HOXB3: variants seen among roughly 807,000 people sequenced by gnomAD.
The protein encoded by HOXB3 is homeobox protein Hox-B3.
Under a neutral mutation model 29.2 loss-of-function variants are expected in HOXB3, and 17 were observed. The ratio of observed to expected loss-of-function variants is 0.58; its 90% CI spans 0.40 to 0.87. The LOEUF is 0.87. Among genes scored for constraint, HOXB3 ranks in the 40% least tolerant of loss-of-function variants. HOXB3 has a pLI of 0.00. For synonymous variants in HOXB3, 317 were observed against 285.9 expected, an observed-to-expected ratio of 1.11 and a Z score of -1.10; for missense variants, 637 against 616.3, an observed-to-expected ratio of 1.03 and a Z score of -0.35.
rs1331013222 is a variant in HOXB3 at position 48,551,111 on chromosome 17, G to GCCGCCA, written c.513_518dup (p.Gly177_Gly178dup). ...GGCTCTTGTCCCCTCCCCCGCCGCC[G>GCCGCCA]CCGCCACCGCCCCCGCTGCCACCAC... is the stretch of plus-strand genomic sequence containing the variant. On this transcript the variant is annotated inframe_insertion, in exon 5 of 5. Coordinates refer to ENST00000498678, the MANE Select transcript of HOXB3 (RefSeq NM_001384749.1). The GCCGCCA allele has an allele frequency of 3.7e-6, 5 of 1,352,794 alleles. No homozygotes were observed. Among genetic ancestry groups the GCCGCCA allele is most frequent in the South Asian group, 4.0e-5 (2 of 49,554 alleles). The allele number at this position is 1,352,794 out of a possible 1,614,324, so 83.8% of individuals were successfully genotyped here. A position where few individuals can be genotyped will look rare whatever the true frequency, so the allele number is the denominator to read the frequency against.
chr17:48,577,834 G>T (rs1357520986), intron 1 of HOXB3: 4 of 1,390,020 alleles, frequency 2.9e-6, no homozygotes. Flanking sequence ...TCCAGGGGTG[G>T]GAGGGGGAAG....
intron 4 of HOXB3, 92 bp downstream of exon 4, chr17:48,551,935 C>A (rs1359328150): frequency 1.6e-6 from 2 of 1,241,618 alleles, no homozygotes; most frequent in Non-Finnish European, 1.1e-6. Flanking sequence ...TCCCAGGCAG[C>A]CTCGCGGGCG....
rs2069667132 is a variant in HOXB3 at position 48,573,818 on chromosome 17, CG to C, written c.-247+18del. 2.9e-6 allele frequency: 2 copies of C among 701,568 alleles called. No individual in the cohort carries two copies. Among genetic ancestry groups the C allele is most frequent in the South Asian group, 1.5e-5 (1 of 67,462 alleles). 43.5% of individuals were successfully genotyped at this position (701,568 alleles called of 1,614,324 possible). On this transcript the variant is annotated intron_variant, in intron 2 of 4. Transcript: ENST00000498678. The stretch of plus-strand genomic sequence containing the variant: ...ATAAAACGATCAAAACACGCCAGCC[CG>C]GGCCCGGGCTTTGTTACCTTTGCGC...
At chr17:48,573,791 T>C in intron 2 of HOXB3, 46 bp downstream of exon 2, 1 of 686,594 alleles carries the variant, frequency 1.5e-6, no homozygotes, top group African/African-American at 1.8e-5. Context: ...TGAAAAGAGC[T>C]CATAAAACGA....
intron 4 of HOXB3, among the ~76,000 whole-genome samples, 179 bp downstream of exon 4, chr17:48,551,848 A>G (rs1404954221): frequency 6.6e-6 from 1 of 151,830 alleles, no homozygotes; most frequent in Non-Finnish European, 1.5e-5. Context: ...AGCTAGAGGG[A>G]GGAGGGTGTT....
chr17:48,580,170 C>A, intron 1 of HOXB3: 1 of 244,270 alleles, frequency 4.1e-6, no homozygotes, highest in South Asian at 4.0e-5. Context: ...TTGCCTCCGC[C>A]GCCGCCGCGC....
At chr17:48,564,232 G>A (rs1248477150) in intron 2 of HOXB3, among the ~76,000 whole-genome samples, 1 of 151,844 alleles carries the variant, frequency 6.6e-6, no homozygotes, top group African/African-American at 2.4e-5. Context: ...TCTTCCGCTA[G>A]GGCGCGGGCA....
Position 48,550,004 on chromosome 17 carries a change from T to C in HOXB3, c.*330A>G, listed in dbSNP as rs2068653385. The C allele has an allele frequency of 4.0e-6, 1 of 252,868 alleles. No homozygotes were observed. The highest frequency in any genetic ancestry group is 4.9e-5 in the Admixed American group (1 of 20,484). 15.7% of individuals were successfully genotyped at this position (252,868 alleles called of 1,614,324 possible). A position where few individuals can be genotyped will look rare whatever the true frequency, so the allele number is the denominator to read the frequency against. On this transcript the variant is annotated 3_prime_UTR_variant, in exon 5 of 5. Transcript: ENST00000498678. Reference sequence around the variant, plus strand: ...CTTGTCTGGTTTTTAAAATGTGCTTTTCTGCCTCGTCCTGTCTCGTCTTCC... The same window carrying C: ...CTTGTCTGGTTTTTAAAATGTGCTTCTCTGCCTCGTCCTGTCTCGTCTTCC...
intron 1 of HOXB3, among the ~76,000 whole-genome samples, chr17:48,574,739 T>C (rs2069706758): frequency 6.6e-6 from 1 of 152,110 alleles, no homozygotes; most frequent in South Asian, 2.1e-4. Context: ...CCTGCACCCC[T>C]TTCCCCTACC....
At chr17:48,573,800 G>A (rs182008932) in intron 2 of HOXB3, 37 bp downstream of exon 2, 8 of 694,188 alleles carry the variant, frequency 1.2e-5, no homozygotes, top group East Asian at 2.7e-5. Context: ...CTCATAAAAC[G>A]ATCAAAACAC....
At chr17:48,581,708 A>C (rs1175852312) in intron 1 of HOXB3, 1 of 152,260 alleles carries the variant, frequency 6.6e-6, no homozygotes, top group African/African-American at 2.4e-5. Context: ...CAGGTGCCCC[A>C]GCACCCCAAG....
intron 3 of HOXB3, chr17:48,553,573 G>A (rs2068848485): frequency 6.6e-6 from 1 of 151,504 alleles, no homozygotes; most frequent in Non-Finnish European, 1.5e-5. Context: ...CTTTTCTACT[G>A]AGACGGGGAA....
In HOXB3 at chr17:48,550,499, G is replaced by A. The variant is rs577722956; in HGVS notation, c.1131C>T (p.Ser377=). Residue 377 remains serine, a synonymous_variant, in exon 5 of 5, where the codon TCC becomes TCT. Transcript: ENST00000498678. ...GPSLYGLNHL[S]HHPSGNLDYN... ...AGTCCAGGTTCCCGGAAGGGTGATG[G>A]GAAAGGTGGTTGAGGCCATAGAGGG... The A allele has an allele frequency of 6.2e-7, 1 of 1,602,902 alleles. No homozygotes were observed. The highest frequency in any genetic ancestry group is 1.3e-5 in the African/African-American group (1 of 74,400).
intron 3 of HOXB3, chr17:48,553,503 C>T (rs1326184187): frequency 1.3e-5 from 2 of 151,544 alleles, no homozygotes; most frequent in Admixed American, 1.3e-4. Flanking sequence ...TTTCCTTCAC[C>T]GTCTGTTTTC....
rs1165242478 is a variant in HOXB3, at chr17:48,551,087, G to C, written c.543C>G (p.Ser181Arg). The change falls in exon 5 of 5, where the codon AGC becomes AGG. Residue 181 changes from serine to arginine, a missense_variant. Physicochemically the swap from Ser to Arg is moderately radical, Grantham distance 110. Transcript: ENST00000498678. The part of the protein sequence containing the change: ...GGGGGGGGDK[S>R]PPGSAASKRA... Reference sequence around the variant, plus strand: ...GCTTGGACGCCGCCGACCCCGGGGGGCTCTTGTCCCCTCCCCCGCCGCCGC... The same window carrying C: ...GCTTGGACGCCGCCGACCCCGGGGGCCTCTTGTCCCCTCCCCCGCCGCCGC... 2 of 1,457,286 alleles carry C rather than the reference G, an allele frequency of 1.4e-6. No homozygotes were observed. The highest frequency in any genetic ancestry group is 2.3e-5 in the Admixed American group (1 of 42,612). 90.3% of individuals were successfully genotyped at this position (1,457,286 alleles called of 1,614,324 possible).
At chr17:48,583,580 G>T (rs1255145492) in intron 1 of HOXB3, among the ~76,000 whole-genome samples, 1 of 152,190 alleles carries the variant, frequency 6.6e-6, no homozygotes, top group Non-Finnish European at 1.5e-5. Flanking sequence ...TCCTAGTACG[G>T]AGAGGTCAAG....
intron 4 of HOXB3, 22 bp downstream of exon 4, chr17:48,552,005 A>G: frequency 1.3e-6 from 2 of 1,538,968 alleles, no homozygotes; most frequent in Non-Finnish European, 1.8e-6. Flanking sequence ...AGCTGAGGAC[A>G]AGGAAGGCAG....
intron 1 of HOXB3, among the ~76,000 whole-genome samples, chr17:48,586,334 AT>A (rs987276721): frequency 6.6e-6 from 1 of 152,162 alleles, no homozygotes; most frequent in African/African-American, 2.4e-5. Context: ...AGGCTCCCAA[AT>A]TTCCCCTCTT....
intron 1 of HOXB3, among the ~76,000 whole-genome samples, chr17:48,587,164 C>G (rs1466578383): frequency 6.6e-6 from 1 of 152,164 alleles, no homozygotes; most frequent in Non-Finnish European, 1.5e-5. Flanking sequence ...GCCCTCCAAT[C>G]TCAACCTCAG....
Sources: allele counts gnomAD v4.1 joint callset (sites outside exome capture counted in the v4.1 genomes callset), GRCh38; gene constraint gnomAD v4.1.1; transcripts MANE v1.5; gene names NCBI Gene and HGNC (gene_info 2026-07-23, HGNC 2026-07-21).